Variants in TENM2 observed in about 807,000 individuals in gnomAD.
The protein encoded by TENM2 is teneurin transmembrane protein 2, also known as teneurin-2.
A neutral mutation model predicts 245.2 loss-of-function variants in TENM2; 52 were observed. The ratio of observed to expected loss-of-function variants is 0.21; its 90% CI spans 0.17 to 0.27. The LOEUF is 0.27. Among genes scored for constraint, TENM2 ranks in the 10% least tolerant of loss-of-function variants. The pLI is 1.00. For synonymous variants in TENM2, 1,363 were observed against 1,438.9 expected, an observed-to-expected ratio of 0.95 and a Z score of 1.19; for missense variants, 3,046 against 3,666.8, an observed-to-expected ratio of 0.83 and a Z score of 4.37.
intron 2 of TENM2, among the ~76,000 whole-genome samples, chr5:167,550,921 G>A (rs933317470): frequency 7.9e-5 from 12 of 151,978 alleles, no homozygotes; most frequent in African/African-American, 2.9e-4. Context: ...TAGAGACGGG[G>A]TATCACCATA....
At chr5:167,106,828 A>G in the TENM2 span, among the ~76,000 whole-genome samples, 1 of 152,162 alleles carries the variant, frequency 6.6e-6, no homozygotes, top group African/African-American at 2.4e-5. Context: ...ACAATCAGGA[A>G]CTGATTATCT....
chr5:167,398,364 TC>T (rs779212270), intron 2 of TENM2, among the ~76,000 whole-genome samples: 15 of 147,874 alleles, frequency 1.0e-4, no homozygotes, highest in African/African-American at 3.0e-4. Flanking sequence ...TTTCTTTCTT[TC>T]CTTTCTTTCT....
intron 2 of TENM2, among the ~76,000 whole-genome samples, chr5:167,814,907 G>A (rs1766929710): frequency 6.6e-6 from 1 of 152,148 alleles, no homozygotes; most frequent in Admixed American, 6.6e-5. Context: ...AATGTGTGAG[G>A]AAACGGCTAA....
intron 4 of TENM2, among the ~76,000 whole-genome samples, chr5:167,987,101 G>A (rs1783306015): frequency 6.6e-6 from 1 of 152,122 alleles, no homozygotes; most frequent in Non-Finnish European, 1.5e-5. Context: ...TTTTTATAGA[G>A]CTTGAGAGAT....
chr5:167,875,647 A>G (rs1326191262), intron 2 of TENM2, among the ~76,000 whole-genome samples: 1 of 152,168 alleles, frequency 6.6e-6, no homozygotes, highest in Non-Finnish European at 1.5e-5. Flanking sequence ...CAGTGAGACC[A>G]GCAAGGAGGT....
chr5:167,052,929 C>T, the TENM2 span, among the ~76,000 whole-genome samples: 1 of 152,124 alleles, frequency 6.6e-6, no homozygotes, highest in Non-Finnish European at 1.5e-5. Context: ...TTATTCAATG[C>T]TTTCTTCCCA....
chr5:167,380,753 C>T (rs568516656), intron 2 of TENM2, among the ~76,000 whole-genome samples: 1 of 152,246 alleles, frequency 6.6e-6, no homozygotes, highest in African/African-American at 2.4e-5. Context: ...TGCTGAGTTC[C>T]TGATATCAGT....
chr5:167,349,637 T>C (rs555836203), intron 1 of TENM2, among the ~76,000 whole-genome samples: 12 of 152,342 alleles, frequency 7.9e-5, no homozygotes, highest in Admixed American at 4.6e-4. Context: ...ATACATGATC[T>C]GTATATGTAT....
intron 2 of TENM2, among the ~76,000 whole-genome samples, chr5:167,486,120 G>T (rs911328882): frequency 6.6e-6 from 1 of 151,916 alleles, no homozygotes; most frequent in African/African-American, 2.4e-5. Flanking sequence ...TTCACAGAGA[G>T]CCTGTTCCAA....
chr5:167,859,595 G>A (rs1771509122), intron 2 of TENM2, among the ~76,000 whole-genome samples: 3 of 113,288 alleles, frequency 2.6e-5, no homozygotes, highest in South Asian at 3.3e-4. Context: ...CGCCCCGTCC[G>A]GGAGGGAGGT....
At chr5:167,058,730 A>G in the TENM2 span, among the ~76,000 whole-genome samples, 1 of 152,306 alleles carries the variant, frequency 6.6e-6, no homozygotes, top group South Asian at 2.1e-4. Context: ...CAGCTCAGGC[A>G]ACAGAGCAAG....
chr5:167,875,277 G>T (rs1193066465), intron 2 of TENM2, among the ~76,000 whole-genome samples: 1 of 152,258 alleles, frequency 6.6e-6, no homozygotes, highest in South Asian at 2.1e-4. Flanking sequence ...GGGGTTGGGG[G>T]TGGTGTCCTG....
chr5:167,429,427 C>T (rs904794486), intron 2 of TENM2, among the ~76,000 whole-genome samples: 3 of 152,048 alleles, frequency 2.0e-5, no homozygotes, highest in African/African-American at 7.2e-5. Flanking sequence ...TGCAGACATC[C>T]GTGTAAACAA....
chr5:167,166,591 A>G, the TENM2 span, among the ~76,000 whole-genome samples: 186 of 152,240 alleles, frequency 1.2e-3, no homozygotes, highest in Admixed American at 2.2e-3. Context: ...ATGTCTATCC[A>G]GTTAGTTTGG....
chr5:167,175,239 T>C, the TENM2 span, among the ~76,000 whole-genome samples: 2 of 152,208 alleles, frequency 1.3e-5, no homozygotes, highest in South Asian at 2.1e-4. Context: ...TTTCAAGAAA[T>C]AGTGCCTGTA....
intron 2 of TENM2, among the ~76,000 whole-genome samples, chr5:167,516,560 C>T (rs576475295): frequency 1.4e-4 from 22 of 152,182 alleles, no homozygotes; most frequent in South Asian, 8.3e-4. Context: ...TATACAAAGA[C>T]GTGGATGTCC....
the TENM2 span, among the ~76,000 whole-genome samples, chr5:167,216,996 A>G: frequency 6.6e-6 from 1 of 152,302 alleles, no homozygotes; most frequent in African/African-American, 2.4e-5. Flanking sequence ...ACAGAAACAT[A>G]TAATTTGTTT....
At chr5:167,958,837 G>A (rs1278859186) in intron 4 of TENM2, among the ~76,000 whole-genome samples, 2 of 151,560 alleles carry the variant, frequency 1.3e-5, no homozygotes, top group Admixed American at 1.3e-4. Context: ...TAGCGTGTCT[G>A]CAGAGAGATC....
intron 2 of TENM2, among the ~76,000 whole-genome samples, chr5:167,780,787 G>A (rs1336266219): frequency 6.6e-6 from 1 of 152,114 alleles, no homozygotes; most frequent in Non-Finnish European, 1.5e-5. Flanking sequence ...TTTCCTCTAG[G>A]AGCAATGATT....
Sources: allele counts gnomAD v4.1 joint callset (sites outside exome capture counted in the v4.1 genomes callset), GRCh38; gene constraint gnomAD v4.1.1; transcripts MANE v1.5; gene names NCBI Gene and HGNC (gene_info 2026-07-23, HGNC 2026-07-21).